Variants in TARBP1 observed in about 807,000 individuals in gnomAD.
TARBP1 encodes tRNA (guanosine(18)-2'-O)-methyltransferase TARBP1.
A neutral mutation model predicts 178.6 loss-of-function variants in TARBP1; 144 were observed. That is an observed-to-expected ratio of 0.81 (90% CI 0.70 to 0.93). The LOEUF is 0.93. Among genes scored for constraint, TARBP1 ranks in the 40% least tolerant of loss-of-function variants. The pLI, the probability that TARBP1 is intolerant of heterozygous loss-of-function variation, is 0.00. For synonymous variants in TARBP1, 787 were observed against 781.0 expected, an observed-to-expected ratio of 1.01 and a Z score of -0.13; for missense variants, 2,067 against 2,011.7, an observed-to-expected ratio of 1.03 and a Z score of -0.53.
intron 20 of TARBP1, among the ~76,000 whole-genome samples, chr1:234,425,015 C>T (rs745336408): frequency 6.6e-6 from 1 of 151,468 alleles, no homozygotes; most frequent in Non-Finnish European, 1.5e-5. Context: ...GAGCCAAGAT[C>T]GCACCTTCGC....
At chr1:234,468,108 CA>C (rs1231127358) in intron 3 of TARBP1, among the ~76,000 whole-genome samples, 1 of 151,008 alleles carries the variant, frequency 6.6e-6, no homozygotes, top group African/African-American at 2.4e-5. Flanking sequence ...GTATGTCAAC[CA>C]AAAAAATTTT....
chr1:234,453,341 T>G (rs554547056), intron 9 of TARBP1, among the ~76,000 whole-genome samples: 6 of 151,082 alleles, frequency 4.0e-5, no homozygotes, highest in Admixed American at 6.6e-5. Context: ...TTTTTTTTTT[T>G]TTTACATTAT....
intron 9 of TARBP1, among the ~76,000 whole-genome samples, chr1:234,457,416 C>T (rs1004701807): frequency 1.3e-5 from 2 of 152,148 alleles, no homozygotes; most frequent in African/African-American, 2.4e-5. Context: ...TTGAGATCTG[C>T]CCACTAGCAA....
At chr1:234,458,686 C>T (rs1379175631) in intron 8 of TARBP1, among the ~76,000 whole-genome samples, 1 of 152,128 alleles carries the variant, frequency 6.6e-6, no homozygotes, top group Non-Finnish European at 1.5e-5. Flanking sequence ...GGATACACAC[C>T]ATATATATTC....
rs1396037943 is a variant in TARBP1 at position 234,460,180 on chromosome 1, A to C, written c.1535+81T>G. The C allele has an allele frequency of 2.7e-6, 4 of 1,455,198 alleles. No individual in the cohort carries two copies. The African/African-American group carries it at 5.7e-5, about 21-fold the overall frequency. The allele number at this position is 1,455,198 out of a possible 1,614,324, so 90.1% of individuals were successfully genotyped here. On this transcript the variant is annotated intron_variant, in intron 7 of 29. Coordinates refer to ENST00000040877, the MANE Select transcript of TARBP1 (RefSeq NM_005646.4). ...TATTAACTATATCCATTTACTGTAG[A>C]TTAAAGCAGAGGAGAAAATATATAT...
chr1:234,472,839 T>C (rs765907093), intron 1 of TARBP1, 28 bp from the exon 2 acceptor site: 16 of 1,528,686 alleles, frequency 1.0e-5, no homozygotes, highest in Non-Finnish European at 1.4e-5. Context: ...AGAAAATTAG[T>C]TCTTCCTTTT....
chr1:234,426,336 T>A (rs544892330), intron 19 of TARBP1, among the ~76,000 whole-genome samples: 4 of 152,244 alleles, frequency 2.6e-5, no homozygotes, highest in Non-Finnish European at 5.9e-5. Context: ...TTGTTCACAT[T>A]TCATTATAAT....
intron 29 of TARBP1, among the ~76,000 whole-genome samples, chr1:234,392,162 G>A (rs540903824): frequency 6.6e-5 from 10 of 152,174 alleles, no homozygotes; most frequent in African/African-American, 2.4e-4. Flanking sequence ...TCAGGAGTTC[G>A]AGACCAGCCT....
At chr1:234,392,646 C>T in intron 28 of TARBP1, 94 bp from the exon 29 acceptor site, 1 of 1,125,616 alleles carries the variant, frequency 8.9e-7, no homozygotes. Flanking sequence ...CTAAACTTAA[C>T]TCTTTAAAAG....
At chr1:234,421,869 G>A (rs1353020538) in intron 20 of TARBP1, among the ~76,000 whole-genome samples, 1 of 151,876 alleles carries the variant, frequency 6.6e-6, no homozygotes, top group Non-Finnish European at 1.5e-5. Flanking sequence ...TAGTGTAGAT[G>A]ATCCTCATCT....
At chr1:234,454,349 G>C (rs1478611499) in intron 9 of TARBP1, among the ~76,000 whole-genome samples, 1 of 152,088 alleles carries the variant, frequency 6.6e-6, no homozygotes, top group Non-Finnish European at 1.5e-5. Flanking sequence ...TTTTAGGTGT[G>C]ATAAAGGCTT....
chr1:234,404,619 A>G (rs146779555), intron 24 of TARBP1, among the ~76,000 whole-genome samples: 89 of 152,298 alleles, frequency 5.8e-4, no homozygotes, highest in Middle Eastern at 3.4e-3. Flanking sequence ...GCAATGCTAC[A>G]GTGAATGACT....
intron 20 of TARBP1, 118 bp from the exon 21 acceptor site, chr1:234,420,930 TC>T (rs1558179720): frequency 7.6e-6 from 4 of 523,052 alleles, no homozygotes; most frequent in Non-Finnish European, 1.0e-5. Context: ...GGCTTTTTCT[TC>T]CCCCAAAAAG....
At chr1:234,415,720 C>T (rs1213808053) in intron 22 of TARBP1, among the ~76,000 whole-genome samples, 1 of 152,194 alleles carries the variant, frequency 6.6e-6, no homozygotes, top group Non-Finnish European at 1.5e-5. Context: ...AGGTATACAG[C>T]TGGCTATAGC....
At position 234,460,403 on chromosome 1, in the gene TARBP1, G is replaced by A; in HGVS notation, c.1400-7C>T. On this transcript the variant is annotated splice_region_variant and splice_polypyrimidine_tract_variant and intron_variant, in intron 6 of 29. Coordinates refer to ENST00000040877, the MANE Select transcript of TARBP1 (RefSeq NM_005646.4). ...AACTTCAATAGGAAGCTACCTGAAA[G>A]AAAAAGTTTTAAATTATCATTGTTG... The A allele has an allele frequency of 6.2e-7, 1 of 1,612,866 alleles. No individual in the cohort carries two copies. Among genetic ancestry groups the A allele is most frequent in the Non-Finnish European group, 8.5e-7 (1 of 1,179,624 alleles).
intron 23 of TARBP1, chr1:234,406,329 C>A (rs1384979361): frequency 3.7e-6 from 2 of 536,910 alleles, no homozygotes; most frequent in Non-Finnish European, 6.6e-6. Context: ...TTCATTAATG[C>A]TGCAGTACAT....
chr1:234,473,493 G>C (rs534803719), intron 1 of TARBP1, among the ~76,000 whole-genome samples: 1 of 152,322 alleles, frequency 6.6e-6, no homozygotes, highest in East Asian at 1.9e-4. Context: ...GGGATTCAGC[G>C]AACATGTGTG....
At chr1:234,443,474 G>T (rs141344196) in intron 12 of TARBP1, among the ~76,000 whole-genome samples, 378 of 152,150 alleles carry the variant, frequency 2.5e-3, no homozygotes, top group African/African-American at 8.9e-3. Context: ...GCCCATTAAC[G>T]AGTGTTGGAG....
chr1:234,427,871 A>G, intron 17 of TARBP1, 105 bp from the exon 18 acceptor site: 6 of 698,674 alleles, frequency 8.6e-6, no homozygotes, highest in Non-Finnish European at 1.0e-5. Flanking sequence ...ACAGTCTAAA[A>G]ACTGTTAAAT....
Sources: allele counts gnomAD v4.1 joint callset (sites outside exome capture counted in the v4.1 genomes callset), GRCh38; gene constraint gnomAD v4.1.1; transcripts MANE v1.5; gene names NCBI Gene and HGNC (gene_info 2026-07-23, HGNC 2026-07-21).